Variants in HYDIN observed in about 807,000 individuals in gnomAD.
The protein encoded by HYDIN is HYDIN axonemal central pair apparatus protein.
Under a neutral mutation model 403.9 loss-of-function variants are expected in HYDIN, and 132 were observed. The ratio of observed to expected loss-of-function variants is 0.33; its 90% CI spans 0.28 to 0.38. The LOEUF (loss-of-function observed/expected upper bound fraction) is 0.38. Ranked by LOEUF, HYDIN falls within the 10% of genes least tolerant of loss-of-function variation. The probability of loss-of-function intolerance (pLI) is 1.00; values close to 1 mark genes in which losing one functional copy is unlikely to be tolerated. For synonymous variants in HYDIN, 1,202 were observed against 1,891.7 expected, an observed-to-expected ratio of 0.64 and a Z score of 9.46; for missense variants, 2,827 against 5,009.5, an observed-to-expected ratio of 0.56 and a Z score of 13.15.
intron 5 of HYDIN, among the ~76,000 whole-genome samples, chr16:71,165,855 C>T (rs960873541): frequency 6.1e-5 from 9 of 146,780 alleles, no homozygotes; most frequent in African/African-American, 2.3e-4. Flanking sequence ...GATTTGGAAC[C>T]TGTGGCCAGA....
At chr16:71,135,041 G>T (rs1158933863) in intron 8 of HYDIN, among the ~76,000 whole-genome samples, 1 of 152,174 alleles carries the variant, frequency 6.6e-6, no homozygotes, top group African/African-American at 2.4e-5. Context: ...GTCACACAGA[G>T]TGAAAGTGGT....
At chr16:71,185,102 G>A in intron 2 of HYDIN, 112 bp from the exon 3 acceptor site, 2 of 586,162 alleles carry the variant, frequency 3.4e-6, no homozygotes, top group Non-Finnish European at 5.3e-6. Context: ...GGATAATTCT[G>A]GAATGCCACT....
chr16:70,955,819 C>A (rs1186263356), intron 39 of HYDIN, among the ~76,000 whole-genome samples: 3 of 151,968 alleles, frequency 2.0e-5, no homozygotes, highest in South Asian at 2.1e-4. Flanking sequence ...AAAACAGATT[C>A]TTTTTTTCTT....
chr16:70,917,965 T>C (rs1224083937), intron 47 of HYDIN, among the ~76,000 whole-genome samples: 2 of 152,028 alleles, frequency 1.3e-5, no homozygotes, highest in East Asian at 1.9e-4. Flanking sequence ...GCAAAGGTTG[T>C]TAGGTGAGAA....
chr16:70,812,864 C>T (rs891914263), intron 84 of HYDIN, among the ~76,000 whole-genome samples: 2 of 152,166 alleles, frequency 1.3e-5, no homozygotes, highest in African/African-American at 4.8e-5. Flanking sequence ...CCATATGATA[C>T]CAGGGGCTGA....
chr16:71,215,180 A>T (rs2088815172), intron 1 of HYDIN, among the ~76,000 whole-genome samples: 1 of 152,016 alleles, frequency 6.6e-6, no homozygotes, highest in African/African-American at 2.4e-5. Context: ...AGGTCACTAG[A>T]GTACCAATTC....
intron 19 of HYDIN, among the ~76,000 whole-genome samples, chr16:71,028,368 C>T (rs1406124730): frequency 6.6e-6 from 1 of 151,926 alleles, no homozygotes; most frequent in Non-Finnish European, 1.5e-5. Context: ...GGCCAGAACA[C>T]CACCGGGATT....
intron 4 of HYDIN, among the ~76,000 whole-genome samples, chr16:71,176,932 A>T (rs113838286): frequency 6.6e-6 from 1 of 152,304 alleles, no homozygotes; most frequent in South Asian, 2.1e-4. Context: ...CGGGGCCCCA[A>T]ATCTCTCCCC....
intron 6 of HYDIN, among the ~76,000 whole-genome samples, chr16:71,161,821 A>G (rs563048602): frequency 1.1e-4 from 16 of 151,550 alleles, no homozygotes; most frequent in Non-Finnish European, 2.1e-4. Flanking sequence ...CTGGAGAGCC[A>G]TCATTCTGTC....
intron 41 of HYDIN, among the ~76,000 whole-genome samples, chr16:70,951,092 A>G: frequency 6.6e-6 from 1 of 152,054 alleles, no homozygotes; most frequent in East Asian, 1.9e-4. Context: ...AAAATTAGCC[A>G]GGCATGGTGG....
intron 9 of HYDIN, among the ~76,000 whole-genome samples, chr16:71,127,743 C>G (rs1055940550): frequency 1.1e-4 from 16 of 152,330 alleles, no homozygotes; most frequent in Admixed American, 9.8e-4. Flanking sequence ...ATGAACCTTA[C>G]CAGTATGTTT....
intron 18 of HYDIN, among the ~76,000 whole-genome samples, chr16:71,049,991 T>C (rs1000609148): frequency 2.7e-5 from 4 of 148,716 alleles, no homozygotes; most frequent in Non-Finnish European, 4.5e-5. Context: ...AGAATATATA[T>C]ATATAATATA....
chr16:70,931,857 A>T (rs1309510464), intron 45 of HYDIN, among the ~76,000 whole-genome samples: 1 of 150,390 alleles, frequency 6.6e-6, no homozygotes, highest in East Asian at 2.0e-4. Context: ...TCTACAAAAA[A>T]TACTAAAATT....
chr16:71,051,428 C>T (rs1283564520), intron 18 of HYDIN, among the ~76,000 whole-genome samples: 12 of 151,720 alleles, frequency 7.9e-5, no homozygotes, highest in South Asian at 2.1e-4. Context: ...AGATGGACCA[C>T]GAGGTCAGGA....
chr16:70,810,085 C>A (rs755762257), intron 84 of HYDIN, 78 bp from the exon 85 acceptor site: 70 of 1,358,716 alleles, frequency 5.2e-5, no homozygotes, highest in Non-Finnish European at 6.9e-5. Context: ...GCCCAAGGCT[C>A]CATAGCAGGT....
At chr16:71,011,572 A>G (rs1376350192) in intron 23 of HYDIN, among the ~76,000 whole-genome samples, 1 of 150,646 alleles carries the variant, frequency 6.6e-6, no homozygotes, top group Non-Finnish European at 1.5e-5. Flanking sequence ...AACAAAAAAC[A>G]ACAAAAAAAC....
intron 1 of HYDIN, among the ~76,000 whole-genome samples, chr16:71,220,567 A>C (rs1221923404): frequency 1.3e-5 from 2 of 152,228 alleles, no homozygotes; most frequent in African/African-American, 4.8e-5. Flanking sequence ...TTCAGCTGGC[A>C]TTTGCTAAAC....
At chr16:71,193,279 C>T (rs914986955) in intron 1 of HYDIN, among the ~76,000 whole-genome samples, 5 of 152,286 alleles carry the variant, frequency 3.3e-5, no homozygotes, top group South Asian at 2.1e-4. Flanking sequence ...GGAACTATTT[C>T]GCTCATTTGG....
intron 10 of HYDIN, among the ~76,000 whole-genome samples, chr16:71,107,560 C>T (rs1469751950): frequency 2.6e-5 from 4 of 151,966 alleles, no homozygotes; most frequent in Non-Finnish European, 4.4e-5. Context: ...GGCCTACAAG[C>T]ATATGAAAAA....
Sources: allele counts gnomAD v4.1 joint callset (sites outside exome capture counted in the v4.1 genomes callset), GRCh38; gene constraint gnomAD v4.1.1; transcripts MANE v1.5; gene names NCBI Gene and HGNC (gene_info 2026-07-23, HGNC 2026-07-21).